Variants in TEKT3 observed in about 807,000 individuals in gnomAD.
The protein encoded by TEKT3 is tektin 3.
A neutral mutation model predicts 49.8 loss-of-function variants in TEKT3; 49 were observed. That is an observed-to-expected ratio of 0.98 (90% CI 0.78 to 1.25). The LOEUF is 1.25. TEKT3 is among the 50% of genes most tolerant of loss of function. TEKT3 has a pLI of 0.00. For missense variants in TEKT3, 595 were observed against 629.5 expected, an observed-to-expected ratio of 0.95 and a Z score of 0.59; for synonymous variants, 225 against 237.2, an observed-to-expected ratio of 0.95 and a Z score of 0.47.
intron 2 of TEKT3, among the ~76,000 whole-genome samples, chr17:15,332,466 T>C (rs1306782117): frequency 6.6e-6 from 1 of 152,228 alleles, no homozygotes; most frequent in Non-Finnish European, 1.5e-5. Context: ...CTTCCTTCTT[T>C]GGACTGTTGT....
rs73982107 is a variant in TEKT3, at chr17:15,329,689, G to A, written c.579+1318C>T. 5.9e-3 allele frequency among the ~76,000 whole-genome samples: 897 copies of A among 152,204 alleles called. 14 individuals are homozygous for A. Among genetic ancestry groups the A allele is most frequent in the African/African-American group, 0.021 (862 of 41,520 alleles). On this transcript the variant is annotated intron_variant, in intron 3 of 8. Coordinates refer to ENST00000395930, the MANE Select transcript of TEKT3 (RefSeq NM_031898.3). ...GCCTCTGTATGTGTTTTTGTACAGC[G>A]GGGAGGGGTTGCAGTAGGAAGTGAC...
chr17:15,342,761 A>G (rs950801539), upstream of TEKT3, among the ~76,000 whole-genome samples: 2 of 152,208 alleles, frequency 1.3e-5, no homozygotes, highest in East Asian at 3.9e-4. Context: ...CCCAAAGAGG[A>G]AAACCACAGA....
chr17:15,304,078 G>T lies in TEKT3; in HGVS notation c.1331C>A (p.Thr444Asn). ...TTTGATGTGGACCAGCGACTGCAGG[G>T]TGTCCTCTGCATCCCTCAGGCGCTG... ...LQQRLRDAED[T>N]LQSLVHIKAT... is the part of the protein sequence containing the mutation. The change falls in exon 9 of 9, where the codon ACC becomes AAC. Residue 444 changes from threonine to asparagine, a missense_variant. Physicochemically the swap from Thr to Asn is moderately conservative, Grantham distance 65. Transcript: ENST00000395930. The surrounding 1 kb of genome is among the most constrained non-coding windows in gnomAD (Gnocchi z 4.7). 6.2e-7 allele frequency: 1 copy of T among 1,613,906 alleles called. No individual in the cohort carries two copies. The highest frequency in any genetic ancestry group is 8.5e-7 in the Non-Finnish European group (1 of 1,179,838).
chr17:15,311,833 A>T (rs1212923795), intron 7 of TEKT3, among the ~76,000 whole-genome samples: 1 of 152,232 alleles, frequency 6.6e-6, no homozygotes, highest in African/African-American at 2.4e-5. Flanking sequence ...TTTCAATATC[A>T]GAAACACTTT....
chr17:15,321,170 T>G (rs230887), intron 4 of TEKT3, among the ~76,000 whole-genome samples: 2 of 151,402 alleles, frequency 1.3e-5, no homozygotes, highest in Non-Finnish European at 2.9e-5. Flanking sequence ...CCACCATGCC[T>G]GGCTAATTTT....
intron 3 of TEKT3, 85 bp downstream of exon 3, chr17:15,330,922 A>G (rs1005451222): frequency 6.7e-6 from 9 of 1,342,864 alleles, no homozygotes; most frequent in East Asian, 2.5e-5. Flanking sequence ...GAAGTAAAAC[A>G]TAAGTCAATA....
chr17:15,343,455 C>A (rs1912293880), upstream of TEKT3, among the ~76,000 whole-genome samples: 1 of 152,112 alleles, frequency 6.6e-6, no homozygotes, highest in Non-Finnish European at 1.5e-5. Flanking sequence ...TAGAGACCTC[C>A]TACAATGCTT....
At chr17:15,338,481 C>G (rs1314670763) in intron 2 of TEKT3, 1 of 151,396 alleles carries the variant, frequency 6.6e-6, no homozygotes, top group Admixed American at 6.6e-5. Flanking sequence ...GATTAACTTA[C>G]TCTCTAAATT....
chr17:15,320,623 A>G (rs1199880860), intron 4 of TEKT3, among the ~76,000 whole-genome samples: 3 of 152,186 alleles, frequency 2.0e-5, no homozygotes, highest in Non-Finnish European at 2.9e-5. Flanking sequence ...GTCTAGAGTG[A>G]TCACCCTACT....
rs60859006 is a variant in TEKT3 at position 15,310,178 on chromosome 17, C to G, written c.1102-1360G>C. 5.9e-3 allele frequency among the ~76,000 whole-genome samples: 902 copies of G among 152,342 alleles called. 6 individuals carry two copies. Among genetic ancestry groups the G allele is most frequent in the African/African-American group, 0.021 (860 of 41,588 alleles). On this transcript the variant is annotated intron_variant, in intron 7 of 8. Transcript: ENST00000395930. Reference sequence around the variant, plus strand: ...ACTGCTCCTTCTTGTAAACTGTGTTCACATTTCATCTGTGTTTCCAAGTTC... The same window carrying G: ...ACTGCTCCTTCTTGTAAACTGTGTTGACATTTCATCTGTGTTTCCAAGTTC...
At chr17:15,306,128 T>TGTGTGTGTGC (rs1491321683) in intron 8 of TEKT3, among the ~76,000 whole-genome samples, 1 of 149,100 alleles carries the variant, frequency 6.7e-6, no homozygotes, top group Non-Finnish European at 1.5e-5. Flanking sequence ...TGTGTGTGTG[T>TGTGTGTGTGC]GCATATATAT....
In TEKT3 at chr17:15,331,361, C is replaced by T. The variant is rs1270940114; in HGVS notation, c.225G>A (p.Val75=). The change falls in exon 3 of 9, where the codon GTG becomes GTA. Residue 75 remains valine, a synonymous_variant. Transcript: ENST00000395930. ...VAPYCTRSQR[V]SENTMLPFVS... is the part of the protein sequence containing the mutation. The stretch of plus-strand genomic sequence containing the variant: ...CAAAGGGAAGCATGGTATTCTCGGA[C>T]ACCCTCTGTGATCTGGTGCAGTACG... 1 of 1,614,182 alleles carries T rather than the reference C, an allele frequency of 6.2e-7. No homozygotes were observed. Among genetic ancestry groups the T allele is most frequent in the East Asian group, 2.2e-5 (1 of 44,882 alleles).
intron 2 of TEKT3, among the ~76,000 whole-genome samples, chr17:15,332,583 A>G (rs1911809944): frequency 6.6e-6 from 1 of 152,172 alleles, no homozygotes; most frequent in South Asian, 2.1e-4. Flanking sequence ...GTTGATATGC[A>G]AACGCAGCTC....
At chr17:15,330,352 A>G (rs1412407151) in intron 3 of TEKT3, among the ~76,000 whole-genome samples, 1 of 152,146 alleles carries the variant, frequency 6.6e-6, no homozygotes, top group African/African-American at 2.4e-5. Flanking sequence ...TGTAATCCAC[A>G]ATGTTGGGGG....
intron 2 of TEKT3, among the ~76,000 whole-genome samples, chr17:15,331,839 C>G (rs1020655651): frequency 3.3e-5 from 5 of 151,770 alleles, no homozygotes; most frequent in African/African-American, 1.2e-4. Context: ...TTTTTATTGG[C>G]CATTTGGACT....
chr17:15,337,113 A>G (rs1912009581), intron 2 of TEKT3, among the ~76,000 whole-genome samples: 1 of 152,104 alleles, frequency 6.6e-6, no homozygotes, highest in African/African-American at 2.4e-5. Flanking sequence ...ATGTTAATGT[A>G]TAATGGATTA....
intron 5 of TEKT3, among the ~76,000 whole-genome samples, chr17:15,316,520 C>G (rs571412478): frequency 6.6e-6 from 1 of 152,186 alleles, no homozygotes; most frequent in African/African-American, 2.4e-5. Context: ...TTACAATGTG[C>G]GGTGCTCCAG....
intron 4 of TEKT3, among the ~76,000 whole-genome samples, chr17:15,320,377 A>G (rs1236700521): frequency 6.6e-6 from 1 of 151,904 alleles, no homozygotes; most frequent in African/African-American, 2.4e-5. Context: ...CTTTTGTGTT[A>G]TATATGTCAC....
At chr17:15,333,043 G>C (rs1555531279) in intron 2 of TEKT3, among the ~76,000 whole-genome samples, 1 of 131,984 alleles carries the variant, frequency 7.6e-6, no homozygotes, top group Non-Finnish European at 1.6e-5. Context: ...TTTAACTTAA[G>C]TATATTTTCT....
Sources: allele counts gnomAD v4.1 joint callset (sites outside exome capture counted in the v4.1 genomes callset), GRCh38; gene constraint gnomAD v4.1.1; non-coding constraint Gnocchi (gnomAD v3.1); transcripts MANE v1.5; gene names NCBI Gene and HGNC (gene_info 2026-07-23, HGNC 2026-07-21).